MAN1C1: variants seen among roughly 807,000 people sequenced by gnomAD.
MAN1C1 encodes the protein mannosyl-oligosaccharide 1,2-alpha-mannosidase IC.
A neutral mutation model predicts 71.5 loss-of-function variants in MAN1C1; 49 were observed. The ratio of observed to expected loss-of-function variants is 0.69; its 90% CI spans 0.54 to 0.87. The LOEUF (loss-of-function observed/expected upper bound fraction) is 0.87. Ranked by LOEUF, MAN1C1 falls within the 40% of genes least tolerant of loss-of-function variation. The pLI is 0.00. For missense variants in MAN1C1, 743 were observed against 835.0 expected, an observed-to-expected ratio of 0.89 and a Z score of 1.36; for synonymous variants, 352 against 343.7, an observed-to-expected ratio of 1.02 and a Z score of -0.27.
chr1:25,661,271 C>G (rs7519569), intron 1 of MAN1C1, among the ~76,000 whole-genome samples: 3 of 152,168 alleles, frequency 2.0e-5, no homozygotes, highest in Admixed American at 1.3e-4. Context: ...CTGTCTTGCC[C>G]GAGTCCCATT....
At chr1:25,671,668 G>A (rs1047912780) in intron 1 of MAN1C1, among the ~76,000 whole-genome samples, 53 of 152,286 alleles carry the variant, frequency 3.5e-4, no homozygotes, top group African/African-American at 1.2e-3. Context: ...TGTTCATTTG[G>A]TTATTCATTG....
At chr1:25,647,003 A>T (rs1297944776) in intron 1 of MAN1C1, among the ~76,000 whole-genome samples, 1 of 152,186 alleles carries the variant, frequency 6.6e-6, no homozygotes, top group Non-Finnish European at 1.5e-5. Flanking sequence ...TGTTTCTCCC[A>T]GTGGCTGCAC....
chr1:25,709,921 T>G (rs1463444563), intron 2 of MAN1C1: 1 of 152,108 alleles, frequency 6.6e-6, no homozygotes, highest in Non-Finnish European at 1.5e-5. Context: ...AATTTTTGTA[T>G]TTTTAGTAGA....
chr1:25,649,863 C>T (rs1045870955), intron 1 of MAN1C1, among the ~76,000 whole-genome samples: 3 of 152,166 alleles, frequency 2.0e-5, no homozygotes, highest in Non-Finnish European at 4.4e-5. Flanking sequence ...GTCTGGAACT[C>T]CTGGCCTCAA....
At chr1:25,678,673 T>G (rs1015092637) in intron 1 of MAN1C1, among the ~76,000 whole-genome samples, 2 of 152,144 alleles carry the variant, frequency 1.3e-5, no homozygotes, top group Non-Finnish European at 2.9e-5. Context: ...AGCCCCAAAC[T>G]AGAAATCACC....
chr1:25,717,544 T>G (rs147234339), intron 2 of MAN1C1, among the ~76,000 whole-genome samples: 6 of 151,980 alleles, frequency 3.9e-5, no homozygotes, highest in Non-Finnish European at 8.8e-5. Context: ...ATTTGCCAAA[T>G]TGTCTTTTTC....
chr1:25,703,213 G>A (rs2046470440), intron 2 of MAN1C1, among the ~76,000 whole-genome samples: 1 of 152,172 alleles, frequency 6.6e-6, no homozygotes, highest in Non-Finnish European at 1.5e-5. Context: ...TTAGCAAAGG[G>A]GAAGCTCCTG....
At chr1:25,780,465 T>C (rs2047677791) in intron 9 of MAN1C1, among the ~76,000 whole-genome samples, 1 of 152,006 alleles carries the variant, frequency 6.6e-6, no homozygotes, top group Non-Finnish European at 1.5e-5. Context: ...AGACAAAGGG[T>C]CCCAAGGAGA....
At chr1:25,733,006 C>T (rs1005225695) in intron 2 of MAN1C1, among the ~76,000 whole-genome samples, 7 of 152,180 alleles carry the variant, frequency 4.6e-5, no homozygotes, top group Non-Finnish European at 8.8e-5. Context: ...ACCCTGTGTC[C>T]GTGGGCCTGG....
At chr1:25,766,699 A>G (rs2047431507) in intron 7 of MAN1C1, among the ~76,000 whole-genome samples, 1 of 152,112 alleles carries the variant, frequency 6.6e-6, no homozygotes, top group African/African-American at 2.4e-5. Flanking sequence ...AACACAAATG[A>G]GACCACCCTG....
At position 25,779,192 on chromosome 1, in the gene MAN1C1, C is replaced by CA. The variant is rs1346486386; in HGVS notation, c.1477+872dup. Among the ~76,000 whole-genome samples, 1 of 152,192 alleles carries CA rather than the reference C, an allele frequency of 6.6e-6. No homozygotes were observed. The highest frequency in any genetic ancestry group is 1.5e-5 in the Non-Finnish European group (1 of 68,032). On this transcript the variant is annotated intron_variant, in intron 9 of 11. Coordinates refer to ENST00000374332, the MANE Select transcript of MAN1C1 (RefSeq NM_020379.4). This position sits in a 1 kb window ranked among gnomAD's most constrained non-coding sequence, Gnocchi z 4.6. ...AATCCCAGGCTCAAGCAGCGCTTGA[C>CA]AAAATGACTGTTTTCTGATGGCCAG...
At chr1:25,670,901 G>A (rs1425302133) in intron 1 of MAN1C1, among the ~76,000 whole-genome samples, 1 of 152,054 alleles carries the variant, frequency 6.6e-6, no homozygotes, top group African/African-American at 2.4e-5. Context: ...TTTTGAGATG[G>A]GGTCTTACTC....
intron 6 of MAN1C1, among the ~76,000 whole-genome samples, chr1:25,762,522 G>T (rs1374212673): frequency 6.6e-6 from 1 of 151,464 alleles, no homozygotes; most frequent in Non-Finnish European, 1.5e-5. Context: ...CTACCTTCAG[G>T]TTCAAGCAGT....
intron 1 of MAN1C1, among the ~76,000 whole-genome samples, chr1:25,627,775 A>C (rs1256224034): frequency 6.6e-6 from 1 of 151,936 alleles, no homozygotes; most frequent in Non-Finnish European, 1.5e-5. Flanking sequence ...GCCCACACCT[A>C]CAATCCCAGC....
chr1:25,701,089 T>C (rs2046436159), intron 2 of MAN1C1, among the ~76,000 whole-genome samples: 1 of 152,244 alleles, frequency 6.6e-6, no homozygotes, highest in Non-Finnish European at 1.5e-5. Context: ...TTTATGCCAA[T>C]GCAGTTGTCA....
chr1:25,705,179 G>A (rs1240828748), intron 2 of MAN1C1, among the ~76,000 whole-genome samples: 1 of 152,142 alleles, frequency 6.6e-6, no homozygotes, highest in African/African-American at 2.4e-5. Context: ...AGAACCAGAA[G>A]GAAAAGTTGC....
In MAN1C1 at chr1:25,631,961, G is replaced by A. The variant is rs2045387476; in HGVS notation, c.540+13624G>A. Among the ~76,000 whole-genome samples, 1 of 152,096 alleles carries A rather than the reference G, an allele frequency of 6.6e-6. No homozygotes were observed. Among genetic ancestry groups the A allele is most frequent in the African/African-American group, 2.4e-5 (1 of 41,412 alleles). On this transcript the variant is annotated intron_variant, in intron 1 of 11. Transcript: ENST00000374332. The surrounding 1 kb of genome is among the most constrained non-coding windows in gnomAD (Gnocchi z 4.2). ...TAATTTTTGTATTTTTTGTAGGATGGGGTTTCACCATGTTGGCTAGGCTGG... is the reference window on the plus strand; with the variant it reads ...TAATTTTTGTATTTTTTGTAGGATGAGGTTTCACCATGTTGGCTAGGCTGG...
chr1:25,724,185 C>T (rs112512771), intron 2 of MAN1C1, among the ~76,000 whole-genome samples: 4 of 152,228 alleles, frequency 2.6e-5, no homozygotes, highest in African/African-American at 7.2e-5. Context: ...CACGCCACCA[C>T]GCCCGGCTAA....
At chr1:25,706,567 G>T (rs1457538537) in intron 2 of MAN1C1, among the ~76,000 whole-genome samples, 1 of 152,188 alleles carries the variant, frequency 6.6e-6, no homozygotes, top group Non-Finnish European at 1.5e-5. Context: ...TTGGACATGC[G>T]CAGGGCAGCC....
Sources: gnomAD v4.1 joint callset for allele counts (sites outside exome capture counted in the v4.1 genomes callset) on GRCh38, gnomAD v4.1.1 for gene constraint, Gnocchi (gnomAD v3.1) non-coding constraint, MANE v1.5 for transcripts, NCBI Gene and HGNC (gene_info 2026-07-23, HGNC 2026-07-21) for gene names.